Variants in MYO1F observed in about 807,000 individuals in gnomAD.
MYO1F encodes the protein unconventional myosin-If.
MYO1F carries 60 observed loss-of-function variants against 146.6 expected under a neutral mutation model. The observed-to-expected ratio is 0.41, with a 90% CI of 0.33 to 0.51. The LOEUF is 0.51. Ranked by LOEUF, MYO1F falls within the 20% of genes least tolerant of loss-of-function variation. The pLI is 0.25. For synonymous variants in MYO1F, 602 were observed against 602.1 expected, an observed-to-expected ratio of 1.00 and a Z score of 0.00; for missense variants, 1,274 against 1,534.3, an observed-to-expected ratio of 0.83 and a Z score of 2.83.
At chr19:8,539,370 C>T (rs751437680) in intron 16 of MYO1F, among the ~76,000 whole-genome samples, 12 of 151,516 alleles carry the variant, frequency 7.9e-5, no homozygotes, top group Admixed American at 2.0e-4. Flanking sequence ...GCCGAGATCA[C>T]GCCATTGCAC....
intron 1 of MYO1F, among the ~76,000 whole-genome samples, chr19:8,562,202 C>T (rs1027206025): frequency 1.3e-5 from 2 of 150,910 alleles, no homozygotes; most frequent in African/African-American, 2.5e-5. Flanking sequence ...GAGGTTTCAC[C>T]GTGTTAGCCA....
Position 8,536,366 on chromosome 19 carries a change from C to A in MYO1F, c.1929G>T (p.Pro643=). 6.2e-7 allele frequency: 1 copy of A among 1,605,828 alleles called. No individual in the cohort carries two copies. Among genetic ancestry groups the A allele is most frequent in the South Asian group, 1.1e-5 (1 of 91,038 alleles). ...CCTGGCGTTCGTCCCCACGCCACCG[C>A]GGCCACGTCTCGGGGGTCAGAATGG... ...RYAILTPETW[P]RWRGDERQGV... is the part of the protein sequence containing the mutation. The change falls in exon 19 of 28, where the codon CCG becomes CCT. Residue 643 remains proline (P), a synonymous_variant. Transcript: ENST00000644032.
chr19:8,522,295 T>C lies in MYO1F; in HGVS notation c.3220+82A>G, dbSNP rs938134250. On this transcript the variant is annotated intron_variant, in intron 27 of 27. Transcript: ENST00000644032. ...CCTTGGCCTCCCAAAATGCTGGGAT[T>C]ACAGGCGTGAGCCACCGCGCCCGGC... The C allele has an allele frequency of 1.9e-6, 3 of 1,577,660 alleles. No homozygotes were observed. The Admixed American group carries it at 5.0e-5, about 26-fold the overall frequency.
Position 8,530,898 on chromosome 19 carries a change from G to T in MYO1F, c.2044-325C>A, listed in dbSNP as rs1972460757. 1.3e-5 allele frequency among the ~76,000 whole-genome samples: 2 copies of T among 152,128 alleles called. No individual in the cohort carries two copies. The highest frequency in any genetic ancestry group is 4.1e-4 in the South Asian group (2 of 4,826). Reference sequence around the variant, plus strand: ...CTACTAAAAATACAAAAAGAAATTAGCTGGGCATGGTGGTAGATGCCTGTG... The same window carrying T: ...CTACTAAAAATACAAAAAGAAATTATCTGGGCATGGTGGTAGATGCCTGTG... On this transcript the variant is annotated intron_variant, in intron 19 of 27. Transcript: ENST00000644032. This position sits in a 1 kb window ranked among gnomAD's most constrained non-coding sequence, Gnocchi z 5.8.
At chr19:8,527,513 C>A (rs1474051500) in intron 21 of MYO1F, 30 bp from the exon 22 acceptor site, 1 of 1,611,216 alleles carries the variant, frequency 6.2e-7, no homozygotes, top group South Asian at 1.1e-5. Flanking sequence ...GAGGCTGATG[C>A]CTGTAGCCTG....
Position 8,553,355 on chromosome 19 carries a change from C to T in MYO1F, c.409G>A (p.Val137Ile). 6.2e-7 allele frequency: 1 copy of T among 1,614,044 alleles called. No individual in the cohort carries two copies. The highest frequency in any genetic ancestry group is 1.1e-5 in the South Asian group (1 of 91,076). Residue 137 changes from valine to isoleucine, a missense_variant, in exon 5 of 28, where the codon GTC (valine) becomes ATC (isoleucine). This residue lies in a region of MYO1F where 900 missense variants were observed against 1,155.1 expected (regional missense o/e 0.78). Transcript: ENST00000644032. ...TTCTGTTTTCCTCGTCTCACCTGGA[C>T]CTTCTCGCCTCCGCCAGACACCTTG... ...ISKVSGGGEKVQHVKDIILQS... is the reference protein window; with the variant it reads ...ISKVSGGGEKIQHVKDIILQS...
intron 14 of MYO1F, among the ~76,000 whole-genome samples, chr19:8,543,744 CTGGTGGTGGTGGTGGTGG>C (rs1282435228): frequency 1.0e-4 from 1 of 9,850 alleles, no homozygotes; most frequent in Non-Finnish European, 2.0e-4. Flanking sequence ...GCTGGTGGTG[CTGGTGGTGGTGGTGGTGG>C]TGGTGCTGGT....
intron 21 of MYO1F, chr19:8,529,960 C>A: frequency 1.6e-6 from 1 of 640,860 alleles, no homozygotes; most frequent in Non-Finnish European, 2.8e-6. Context: ...GGGATAGATA[C>A]CTATGGACAG....
intron 11 of MYO1F, 34 bp from the exon 12 acceptor site, chr19:8,548,156 G>GTCCT: frequency 6.2e-7 from 1 of 1,613,278 alleles, no homozygotes; most frequent in East Asian, 2.2e-5. Context: ...TTCCCTCAAT[G>GTCCT]TCCTGGTGCT....
intron 1 of MYO1F, among the ~76,000 whole-genome samples, chr19:8,573,736 G>A (rs1264296824): frequency 6.6e-6 from 1 of 152,100 alleles, no homozygotes; most frequent in Non-Finnish European, 1.5e-5. Context: ...TGTAATCTCA[G>A]CTACTTGGGA....
intron 25 of MYO1F, among the ~76,000 whole-genome samples, chr19:8,523,242 C>T (rs941537488): frequency 4.6e-5 from 7 of 152,048 alleles, no homozygotes; most frequent in African/African-American, 1.2e-4. Flanking sequence ...ATCATGTTAG[C>T]CAGGATGGTC....
chr19:8,574,601 C>CTTTCTTTT (rs1568381321), intron 1 of MYO1F, among the ~76,000 whole-genome samples: 1 of 64,760 alleles, frequency 1.5e-5, no homozygotes. Flanking sequence ...CTCTCTCTTT[C>CTTTCTTTT]TTTCTTTCTT....
chr19:8,535,894 G>A (rs542738441), intron 19 of MYO1F, among the ~76,000 whole-genome samples: 37 of 151,916 alleles, frequency 2.4e-4, no homozygotes, highest in Admixed American at 4.6e-4. Context: ...TGTTAGCCAG[G>A]ATGGTCTCGA....
chr19:8,564,154 A>G (rs1018253773), intron 1 of MYO1F, among the ~76,000 whole-genome samples: 9 of 151,536 alleles, frequency 5.9e-5, no homozygotes, highest in African/African-American at 1.7e-4. Flanking sequence ...GCCAAGGTGG[A>G]TGGATCACTT....
intron 1 of MYO1F, among the ~76,000 whole-genome samples, chr19:8,573,395 TCTCCTACC>T (rs1411039088): frequency 6.6e-6 from 1 of 151,798 alleles, no homozygotes; most frequent in Non-Finnish European, 1.5e-5. Flanking sequence ...CTTCACTCTC[TCTCCTACC>T]CTTCTCAAAG....
rs1200581079 is a variant in MYO1F, at chr19:8,567,883, T to G, written c.3+9424A>C. ...TCCCCTTTGGGGGCCAGTGCAGGCT[T>G]CAGCCTGCCAGGCCACTCAGGCTGA... On this transcript the variant is annotated intron_variant, in intron 1 of 27. Transcript: ENST00000644032. Among the ~76,000 whole-genome samples, 4 of 152,184 alleles carry G rather than the reference T, an allele frequency of 2.6e-5. No homozygotes were observed. In the East Asian group the frequency reaches 7.7e-4, roughly 29 times the overall value.
chr19:8,532,052 T>A (rs2145841415), intron 19 of MYO1F, among the ~76,000 whole-genome samples: 1 of 151,470 alleles, frequency 6.6e-6, no homozygotes, highest in African/African-American at 2.4e-5. Flanking sequence ...CGGGAGGTGG[T>A]GGTTGCAGTG....
At chr19:8,566,552 C>T (rs532057995) in intron 1 of MYO1F, among the ~76,000 whole-genome samples, 65 of 151,506 alleles carry the variant, frequency 4.3e-4, no homozygotes, top group African/African-American at 1.5e-3. Flanking sequence ...GTTGCTCTTT[C>T]GCCCTGGCTG....
intron 1 of MYO1F, among the ~76,000 whole-genome samples, chr19:8,568,447 T>TAAAAAAAAAAAA (rs2042049292): frequency 9.9e-6 from 1 of 100,672 alleles, no homozygotes; most frequent in African/African-American, 4.1e-5. Context: ...AAAAAAAAAT[T>TAAAAAAAAAAAA]AATCACAGGC....
Sources: gnomAD v4.1 joint callset for allele counts (sites outside exome capture counted in the v4.1 genomes callset) on GRCh38, gnomAD v4.1.1 for gene constraint, gnomAD v4.1.1 regional missense constraint, Gnocchi (gnomAD v3.1) non-coding constraint, MANE v1.5 for transcripts, NCBI Gene and HGNC (gene_info 2026-07-23, HGNC 2026-07-21) for gene names.